GRM7: variants seen among roughly 807,000 people sequenced by gnomAD.
GRM7 encodes the protein metabotropic glutamate receptor 7.
A neutral mutation model predicts 84.5 loss-of-function variants in GRM7; 35 were observed. The ratio of observed to expected loss-of-function variants is 0.41; its 90% CI spans 0.32 to 0.55. The LOEUF (loss-of-function observed/expected upper bound fraction) is 0.55, where lower values mean the gene tolerates loss of function less well. GRM7 is among the 20% of genes least tolerant of loss of function. The pLI is 0.19. For missense variants in GRM7, 1,003 were observed against 1,194.6 expected (o/e 0.84, Z 2.36); for synonymous variants, 487 against 455.1 (o/e 1.07, Z -0.89).
intron 1 of GRM7, among the ~76,000 whole-genome samples, chr3:6,902,419 T>G (rs1159309539): frequency 1.3e-5 from 2 of 152,148 alleles, no homozygotes; most frequent in Non-Finnish European, 1.5e-5. Flanking sequence ...AAAGCCCAAA[T>G]TTATAGATTT....
At chr3:6,956,873 C>A (rs915058823) in intron 1 of GRM7, among the ~76,000 whole-genome samples, 3 of 152,144 alleles carry the variant, frequency 2.0e-5, no homozygotes, top group African/African-American at 7.2e-5. Flanking sequence ...CAATTTACAA[C>A]CCCATGGTAA....
At chr3:7,295,884 A>T (rs1455963000) in intron 2 of GRM7, among the ~76,000 whole-genome samples, 1 of 151,966 alleles carries the variant, frequency 6.6e-6, no homozygotes, top group Non-Finnish European at 1.5e-5. Context: ...TTTCCTTTGA[A>T]ACATGTATAT....
At position 6,863,165 on chromosome 3, in the gene GRM7, C is replaced by G. The variant is rs921919158; in HGVS notation, c.519+1258C>G. On this transcript the variant is annotated intron_variant, in intron 1 of 9. Transcript: ENST00000357716. This position sits in a 1 kb window ranked among gnomAD's most constrained non-coding sequence, Gnocchi z 4.8. The stretch of plus-strand genomic sequence containing the variant: ...CTGTTTTTTCTCTCCTTTTCAATCT[C>G]TCCCTCCTTTCCTCCTCTGTCTTCA... Among the ~76,000 whole-genome samples the G allele has an allele frequency of 6.6e-6, 1 of 151,512 alleles. No individual in the cohort carries two copies. Among genetic ancestry groups the G allele is most frequent in the African/African-American group, 2.4e-5 (1 of 41,226 alleles).
Position 6,946,063 on chromosome 3 carries a change from A to G in GRM7, c.519+84156A>G, listed in dbSNP as rs563482435. On this transcript the variant is annotated intron_variant, in intron 1 of 9. Coordinates refer to ENST00000357716, the MANE Select transcript of GRM7 (RefSeq NM_000844.4). The stretch of plus-strand genomic sequence containing the variant: ...TGCTGTGCAGAAGCTCTTTAGTTTA[A>G]TTAGATCCCATTTGTCAATTTTGTC... Among the ~76,000 whole-genome samples the G allele has an allele frequency of 9.9e-5, 15 of 152,246 alleles. No individual in the cohort carries two copies. The South Asian group carries it at 2.5e-3, about 25-fold the overall frequency.
chr3:6,964,455 C>G (rs1403625863), intron 1 of GRM7, among the ~76,000 whole-genome samples: 1 of 152,122 alleles, frequency 6.6e-6, no homozygotes, highest in Non-Finnish European at 1.5e-5. Flanking sequence ...AAGTCCGTAA[C>G]ATCCCTCCTC....
At chr3:7,706,669 G>A (rs1451043759) in intron 9 of GRM7, among the ~76,000 whole-genome samples, 1 of 152,162 alleles carries the variant, frequency 6.6e-6, no homozygotes, top group East Asian at 1.9e-4. Context: ...ATCTTTGTGT[G>A]ACAATATGCA....
At chr3:7,635,608 T>C (rs1368860017) in intron 8 of GRM7, among the ~76,000 whole-genome samples, 1 of 152,202 alleles carries the variant, frequency 6.6e-6, no homozygotes, top group Non-Finnish European at 1.5e-5. Context: ...GTTCCACTGA[T>C]CTGAGGCCCG....
chr3:7,077,065 A>G (rs1180472719), intron 1 of GRM7, among the ~76,000 whole-genome samples: 2 of 152,198 alleles, frequency 1.3e-5, no homozygotes, highest in Non-Finnish European at 2.9e-5. Flanking sequence ...TTAAAAAGTC[A>G]GGAAACAACA....
chr3:7,532,817 A>G (rs1575462049), intron 7 of GRM7, among the ~76,000 whole-genome samples: 1 of 150,360 alleles, frequency 6.7e-6, no homozygotes, highest in Admixed American at 6.6e-5. Flanking sequence ...AAAAAAAAAA[A>G]AAAAAGCAGG....
intron 4 of GRM7, among the ~76,000 whole-genome samples, chr3:7,352,929 C>T (rs73113780): frequency 0.14 from 20,674 of 152,108 alleles, 1,817 homozygotes; most frequent in African/African-American, 0.25. Flanking sequence ...ACAGTAGACA[C>T]CCTGGAGGGC....
intron 2 of GRM7, among the ~76,000 whole-genome samples, chr3:7,229,748 TA>T (rs1697113868): frequency 2.6e-5 from 1 of 37,868 alleles, no homozygotes; most frequent in Admixed American, 4.0e-4. Context: ...TATATATATA[TA>T]TATATATATA....
chr3:7,187,224 C>T (rs572914518), intron 2 of GRM7, among the ~76,000 whole-genome samples: 1 of 145,668 alleles, frequency 6.9e-6, no homozygotes, highest in Non-Finnish European at 1.5e-5. Context: ...CACACACACA[C>T]AAAATCTTGT....
intron 1 of GRM7, among the ~76,000 whole-genome samples, chr3:6,890,110 G>T (rs1398506191): frequency 1.3e-5 from 2 of 151,990 alleles, no homozygotes; most frequent in Admixed American, 6.5e-5. Context: ...GCGTCTATTT[G>T]ATTCTTCTCT....
intron 8 of GRM7, among the ~76,000 whole-genome samples, chr3:7,600,591 T>A (rs1357241525): frequency 1.3e-5 from 2 of 152,162 alleles, no homozygotes; most frequent in Admixed American, 1.3e-4. Context: ...GTGTGCCCTC[T>A]GGTGTTCTTC....
intron 2 of GRM7, among the ~76,000 whole-genome samples, chr3:7,199,259 C>T (rs1695983771): frequency 1.3e-5 from 2 of 152,122 alleles, no homozygotes; most frequent in South Asian, 2.1e-4. Context: ...GAGATGGATG[C>T]CAAATGCTGA....
At chr3:7,076,961 C>T (rs560981815) in intron 1 of GRM7, among the ~76,000 whole-genome samples, 134 of 152,174 alleles carry the variant, frequency 8.8e-4, no homozygotes, top group Non-Finnish European at 1.5e-3. Flanking sequence ...AGCCAACAAA[C>T]ATATGAAAAA....
At chr3:7,273,647 C>A (rs1046515999) in intron 2 of GRM7, among the ~76,000 whole-genome samples, 7 of 152,008 alleles carry the variant, frequency 4.6e-5, no homozygotes, top group African/African-American at 1.7e-4. Context: ...GAAGTCTTTT[C>A]TGTCTTGAGA....
intron 2 of GRM7, among the ~76,000 whole-genome samples, chr3:7,213,709 T>A (rs995930810): frequency 6.6e-6 from 1 of 152,064 alleles, no homozygotes; most frequent in Non-Finnish European, 1.5e-5. Flanking sequence ...CTGGGTTGGG[T>A]TCATCTCCAG....
intron 1 of GRM7, among the ~76,000 whole-genome samples, chr3:6,904,688 A>G (rs976222073): frequency 4.6e-5 from 7 of 151,566 alleles, no homozygotes; most frequent in Non-Finnish European, 7.4e-5. Context: ...CAACAGGACC[A>G]CAATGTTTTT....
Sources: gnomAD v4.1 joint callset for allele counts (sites outside exome capture counted in the v4.1 genomes callset) on GRCh38, gnomAD v4.1.1 for gene constraint, Gnocchi (gnomAD v3.1) non-coding constraint, MANE v1.5 for transcripts, NCBI Gene and HGNC (gene_info 2026-07-23, HGNC 2026-07-21) for gene names.